Variants in HERC2 observed in about 807,000 individuals in gnomAD.
The protein encoded by HERC2 is HECT and RLD domain containing E3 ubiquitin protein ligase 2, also known as E3 ubiquitin-protein ligase HERC2.
Under a neutral mutation model 537.7 loss-of-function variants are expected in HERC2, and 102 were observed. The observed-to-expected ratio is 0.19, with a 90% confidence interval of 0.16 to 0.22. The LOEUF is 0.22. Ranked by LOEUF, HERC2 falls within the 10% of genes least tolerant of loss-of-function variation. HERC2 has a pLI of 1.00. For synonymous variants in HERC2, 2,224 were observed against 2,466.2 expected (o/e 0.90, Z 2.91); for missense variants, 4,236 against 6,198.2 (o/e 0.68, Z 10.63).
chr15:28,208,273 C>T (rs1218594676), intron 44 of HERC2, among the ~76,000 whole-genome samples: 1 of 152,108 alleles, frequency 6.6e-6, no homozygotes, highest in Non-Finnish European at 1.5e-5. Context: ...TTCAAACGCA[C>T]CACTCACTAT....
chr15:28,299,934 T>C (rs1434009880), intron 2 of HERC2, among the ~76,000 whole-genome samples: 2 of 151,044 alleles, frequency 1.3e-5, no homozygotes, highest in Admixed American at 6.6e-5. Flanking sequence ...GCGCCTGTAA[T>C]CCCAGCTACT....
intron 7 of HERC2, 29 bp downstream of exon 7, chr15:28,274,262 T>C: frequency 6.2e-7 from 1 of 1,611,728 alleles, no homozygotes; most frequent in Non-Finnish European, 8.5e-7. Context: ...GCTGTCTGCG[T>C]GCAGAAGGCA....
At chr15:28,156,395 T>A (rs1239049470) in intron 69 of HERC2, among the ~76,000 whole-genome samples, 1 of 152,224 alleles carries the variant, frequency 6.6e-6, no homozygotes, top group Non-Finnish European at 1.5e-5. Flanking sequence ...GAGCATGGAA[T>A]GTTATTCCAT....
At chr15:28,274,599 T>C in intron 6 of HERC2, 152 bp from the exon 7 acceptor site, 1 of 780,668 alleles carries the variant, frequency 1.3e-6, no homozygotes. Flanking sequence ...GTCAATTCTG[T>C]GTTTCACGGC....
At chr15:28,292,224 C>G (rs2076335342) in intron 4 of HERC2, among the ~76,000 whole-genome samples, 1 of 111,996 alleles carries the variant, frequency 8.9e-6, no homozygotes, top group African/African-American at 3.4e-5. Context: ...AGCCAAACTC[C>G]ATCTCCAAAA....
intron 2 of HERC2, among the ~76,000 whole-genome samples, chr15:28,301,225 G>C (rs1476712870): frequency 7.9e-5 from 12 of 152,000 alleles, no homozygotes; most frequent in Admixed American, 1.3e-4. Context: ...GACCAGCCTA[G>C]CCAACATGCC....
chr15:28,142,258 G>A lies in HERC2; in HGVS notation c.11680C>T (p.Pro3894Ser), dbSNP rs765535190. ...AVALDKRTPL[P>S]RLFLDEVAKK... ...AATACCTCATCAAGAAACAGACGGGGCAACGGTGTTCTTTTGTCAAGGGCC... is the reference window on the plus strand; with the variant it reads ...AATACCTCATCAAGAAACAGACGGGACAACGGTGTTCTTTTGTCAAGGGCC... The change falls in exon 76 of 93, where the codon CCC becomes TCC. Residue 3894 changes from proline to serine, a missense_variant. Pro to Ser is a moderately conservative substitution (Grantham distance 74). Transcript: ENST00000261609. 6.2e-7 allele frequency: 1 copy of A among 1,614,058 alleles called. No homozygotes were observed. Among genetic ancestry groups the A allele is most frequent in the Non-Finnish European group, 8.5e-7 (1 of 1,180,032 alleles).
Position 28,262,875 on chromosome 15 carries a change from G to T in HERC2, c.2122+43C>A, listed in dbSNP as rs779078260. ...CTGCTAACTTTAAAACATTACTAAA[G>T]AAACTGTCCTGAAGGGTTTTAAAAG... is the stretch of plus-strand genomic sequence containing the variant. On this transcript the variant is annotated intron_variant, in intron 15 of 92. Transcript: ENST00000261609. 5.7e-6 allele frequency: 9 copies of T among 1,573,280 alleles called. No individual in the cohort carries two copies. The African/African-American group carries it at 1.2e-4, about 22-fold the overall frequency.
chr15:28,176,520 G>C lies in HERC2; in HGVS notation c.9594C>G (p.Asn3198Lys). The C allele has an allele frequency of 3.1e-6, 5 of 1,614,194 alleles. No homozygotes were observed. The highest frequency in any genetic ancestry group is 4.2e-6 in the Non-Finnish European group (5 of 1,180,042). ...CCCCCTGTCCATTTAGTCTCTCAATGTTCTGGGGAATGTTACAGCCTTCAC... is the reference window on the plus strand; with the variant it reads ...CCCCCTGTCCATTTAGTCTCTCAATCTTCTGGGGAATGTTACAGCCTTCAC... ...GGSEGCNIPQ[N>K]IERLNGQGVC... The change falls in exon 63 of 93, where the codon AAC becomes AAG. Residue 3198 changes from asparagine (N) to lysine (K), a missense_variant. Physicochemically the swap from Asn to Lys is moderately conservative, Grantham distance 94 (BLOSUM62 0). Coordinates refer to ENST00000261609, the MANE Select transcript of HERC2 (RefSeq NM_004667.6). The surrounding 1 kb of genome is among the most constrained non-coding windows in gnomAD (Gnocchi z 5.0).
Position 28,121,333 on chromosome 15 carries a change from C to G in HERC2, c.13272+13G>C. On this transcript the variant is annotated intron_variant, in intron 86 of 92. Transcript: ENST00000261609. Reference sequence around the variant, plus strand: ...AAGGCTGTCAGACTTGGAGAGTAATCTCCATGTGCTACCTGGATGCGGTTC... The same window carrying G: ...AAGGCTGTCAGACTTGGAGAGTAATGTCCATGTGCTACCTGGATGCGGTTC... The G allele has an allele frequency of 2.5e-6, 4 of 1,610,368 alleles. No individual in the cohort carries two copies. Among genetic ancestry groups the G allele is most frequent in the Non-Finnish European group, 3.4e-6 (4 of 1,176,550 alleles).
At chr15:28,224,132 T>C (rs1380924109) in intron 35 of HERC2, among the ~76,000 whole-genome samples, 1 of 13,526 alleles carries the variant, frequency 7.4e-5, no homozygotes, top group Non-Finnish European at 2.3e-4. Context: ...ATTAAAAAAT[T>C]ATACACACAC....
chr15:28,314,672 T>G (rs1475077707), intron 2 of HERC2, among the ~76,000 whole-genome samples: 1 of 151,566 alleles, frequency 6.6e-6, no homozygotes, highest in Non-Finnish European at 1.5e-5. Context: ...CTGGCCAACA[T>G]GATGAAACCC....
At chr15:28,291,910 A>G (rs1425482901) in intron 4 of HERC2, among the ~76,000 whole-genome samples, 6 of 5,324 alleles carry the variant, frequency 1.1e-3, no homozygotes, top group Non-Finnish European at 2.4e-3. Context: ...GTCTCAAAGG[A>G]AAAAAAAAAA....
chr15:28,272,413 G>A (rs2075759225), intron 8 of HERC2, 27 bp from the exon 9 acceptor site: 1 of 1,585,104 alleles, frequency 6.3e-7, no homozygotes, highest in Non-Finnish European at 8.6e-7. Context: ...ATTTATTCTA[G>A]TAAAAACAGA....
intron 35 of HERC2, among the ~76,000 whole-genome samples, chr15:28,225,013 T>C (rs924074027): frequency 2.8e-4 from 42 of 152,352 alleles, no homozygotes; most frequent in Admixed American, 2.5e-3. Flanking sequence ...AATTATACTA[T>C]GAAAGTCTGC....
intron 79 of HERC2, 38 bp downstream of exon 79, chr15:28,135,429 ACAAAAACAAAG>A: frequency 1.4e-6 from 2 of 1,472,308 alleles, no homozygotes. Flanking sequence ...ATTAAAACAA[ACAAAAACAAAG>A]ACAAATAGAA....
intron 37 of HERC2, among the ~76,000 whole-genome samples, chr15:28,219,080 A>G (rs1380474389): frequency 6.6e-6 from 1 of 152,230 alleles, no homozygotes; most frequent in East Asian, 1.9e-4. Context: ...AATCTTTTAA[A>G]TAATAATTCT....
chr15:28,130,067 C>A, intron 83 of HERC2, 96 bp downstream of exon 83: 2 of 1,483,808 alleles, frequency 1.3e-6, no homozygotes, highest in Non-Finnish European at 1.8e-6. Flanking sequence ...GCCACCACAC[C>A]TGGCCTGTGC....
In HERC2 at chr15:28,265,872, A is replaced by G. The variant is rs1464604608; in HGVS notation, c.1701T>C (p.Thr567=). Residue 567 remains threonine (T), a synonymous_variant, in exon 13 of 93, where the codon ACT becomes ACC. Transcript: ENST00000261609. The surrounding 1 kb of genome is among the most constrained non-coding windows in gnomAD (Gnocchi z 4.0). ...ACGSTYSAAI[T]AEGELYTWGR... is the part of the protein sequence containing the mutation. ...CCCAGGTGTACAGCTCCCCCTCGGC[A>G]GTGATGGCCGCACTGTAAGTGCTCC... The G allele has an allele frequency of 6.8e-6, 11 of 1,614,006 alleles. No homozygotes were observed. Among genetic ancestry groups the G allele is most frequent in the Admixed American group, 1.7e-5 (1 of 59,994 alleles).
Sources: gnomAD v4.1 joint callset for allele counts (sites outside exome capture counted in the v4.1 genomes callset) on GRCh38, gnomAD v4.1.1 for gene constraint, Gnocchi (gnomAD v3.1) non-coding constraint, MANE v1.5 for transcripts, NCBI Gene and HGNC (gene_info 2026-07-23, HGNC 2026-07-21) for gene names.